The following ABCC9 variants were observed in gnomAD, a reference collection of about 807,000 sequenced individuals.
ABCC9 encodes the protein ATP binding cassette subfamily C member 9.
A neutral mutation model predicts 188.3 loss-of-function variants in ABCC9; 95 were observed. The ratio of observed to expected loss-of-function variants is 0.50; its 90% confidence interval spans 0.43 to 0.60. ABCC9 has a LOEUF of 0.60. ABCC9 is among the 20% of genes least tolerant of loss of function. The pLI is 0.00. For missense variants in ABCC9, 1,102 were observed against 1,876.3 expected, an observed-to-expected ratio of 0.59 and a Z score of 7.62; for synonymous variants, 659 against 652.7, an observed-to-expected ratio of 1.01 and a Z score of -0.15.
chr12:21,905,388 A>C (rs1446441004), intron 12 of ABCC9, among the ~76,000 whole-genome samples: 2 of 151,934 alleles, frequency 1.3e-5, no homozygotes, highest in Non-Finnish European at 2.9e-5. Flanking sequence ...CATTGTGCAC[A>C]TGTACCCTAG....
chr12:21,872,708 G>A lies in ABCC9; in HGVS notation c.2115C>T (p.Gly705=). Residue 705 remains glycine, a synonymous_variant, in exon 18 of 40, where the codon GGC becomes GGT. Coordinates refer to ENST00000261200, the MANE Select transcript of ABCC9 (RefSeq NM_020297.4). Reference sequence around the variant, plus strand: ...GAGAGGACTTCCCACATCCTACTTGGCCCACAATCATGGTTAACTGACCTA... The same window carrying A: ...GAGAGGACTTCCCACATCCTACTTGACCCACAATCATGGTTAACTGACCTA... ...IPTGQLTMIV[G]QVGCGKSSLL... 1 of 1,613,562 alleles carries A rather than the reference G, an allele frequency of 6.2e-7. No homozygotes were observed. Among genetic ancestry groups the A allele is most frequent in the Non-Finnish European group, 8.5e-7 (1 of 1,179,652 alleles).
intron 31 of ABCC9, among the ~76,000 whole-genome samples, chr12:21,822,660 A>G (rs941352466): frequency 6.6e-6 from 1 of 151,860 alleles, no homozygotes; most frequent in Non-Finnish European, 1.5e-5. Context: ...GTGTGATGGC[A>G]GGCACCTGTA....
intron 5 of ABCC9, chr12:21,923,196 C>T (rs985633759): frequency 6.6e-6 from 1 of 150,592 alleles, no homozygotes; most frequent in African/African-American, 2.4e-5. Flanking sequence ...TAAAAGCAAA[C>T]AGGAGAATAA....
chr12:21,935,811 A>G (rs1440465513), intron 3 of ABCC9, among the ~76,000 whole-genome samples: 1 of 152,154 alleles, frequency 6.6e-6, no homozygotes, highest in Non-Finnish European at 1.5e-5. Flanking sequence ...TTAGGTATCA[A>G]AATACTTCAT....
At chr12:21,812,266 C>A (rs1254760621) in intron 35 of ABCC9, 109 bp from the exon 36 acceptor site, 4 of 799,154 alleles carry the variant, frequency 5.0e-6, no homozygotes, top group Non-Finnish European at 8.4e-6. Flanking sequence ...ATTCAGGAGA[C>A]CCACTTTTCC....
At chr12:21,855,250 C>T (rs1321328471) in intron 22 of ABCC9, among the ~76,000 whole-genome samples, 4 of 152,084 alleles carry the variant, frequency 2.6e-5, no homozygotes, top group Non-Finnish European at 5.9e-5. Flanking sequence ...GATGGAGTCT[C>T]ACTCTGTCGC....
chr12:21,843,419 A>G (rs765821334), intron 28 of ABCC9, among the ~76,000 whole-genome samples: 3 of 152,164 alleles, frequency 2.0e-5, no homozygotes, highest in Non-Finnish European at 4.4e-5. Context: ...TGTAGTATTT[A>G]AAAAATATCT....
chr12:21,818,289 C>G (rs1300859448), intron 31 of ABCC9, 38 bp from the exon 32 acceptor site: 4 of 1,554,294 alleles, frequency 2.6e-6, no homozygotes, highest in Admixed American at 3.3e-5. Flanking sequence ...AAGGTTACTC[C>G]CAAGTTCTTA....
rs902591841 is a variant in ABCC9 at position 21,816,057 on chromosome 12, T to G, written c.3893-164A>C. Among the ~76,000 whole-genome samples, 9,955 of 110,712 alleles carry G rather than the reference T, an allele frequency of 0.09. 485 individuals carry two copies. Among genetic ancestry groups the G allele is most frequent in the South Asian group, 0.17 (532 of 3,190 alleles). 72.6% of individuals were successfully genotyped at this position (110,712 alleles called of 152,430 possible). A position where few individuals can be genotyped will look rare whatever the true frequency, so the allele number is the denominator to read the frequency against. ...GGCAGTTTTTTTTTTTTTTTTTTTTTTTTTTTTTTTTTTTTTTTTTTTTAG... is the reference window on the plus strand; with the variant it reads ...GGCAGTTTTTTTTTTTTTTTTTTTTGTTTTTTTTTTTTTTTTTTTTTTTAG... On this transcript the variant is annotated intron_variant, in intron 33 of 39. Transcript: ENST00000261200.
chr12:21,818,526 A>ATGTG lies in ABCC9; in HGVS notation c.3670-279_3670-276dup, dbSNP rs71053348. Among the ~76,000 whole-genome samples, 3,162 of 136,410 alleles carry ATGTG rather than the reference A, an allele frequency of 0.023. 59 individuals carry two copies. The highest frequency in any genetic ancestry group is 0.065 in the South Asian group (275 of 4,216). 89.5% of individuals were successfully genotyped at this position (136,410 alleles called of 152,430 possible). On this transcript the variant is annotated intron_variant, in intron 31 of 39. Transcript: ENST00000261200. Reference sequence around the variant, plus strand: ...TATATAACTATATAGATATATATATATGTGTGTGTGTGTGTGTGTGTGTGT... The same window carrying ATGTG: ...TATATAACTATATAGATATATATATATGTGTGTGTGTGTGTGTGTGTGTGTGTGT...
chr12:21,834,073 A>T (rs900554109), intron 30 of ABCC9, among the ~76,000 whole-genome samples: 1 of 152,018 alleles, frequency 6.6e-6, no homozygotes, highest in East Asian at 1.9e-4. Context: ...GATTCTCTCC[A>T]CTTTATCATT....
intron 1 of ABCC9, 53 bp from the exon 2 acceptor site, chr12:21,940,878 G>A (rs890460235): frequency 1.6e-4 from 25 of 152,126 alleles, no homozygotes; most frequent in African/African-American, 6.0e-4. Context: ...ACTACTTCTT[G>A]AACATACAAG....
intron 2 of ABCC9, among the ~76,000 whole-genome samples, chr12:21,940,254 A>G (rs1473867599): frequency 1.3e-5 from 2 of 152,250 alleles, no homozygotes; most frequent in East Asian, 3.8e-4. Flanking sequence ...AAAAGTTTTC[A>G]TTCTTACATA....
At chr12:21,811,957 C>T (rs963294302) in intron 36 of ABCC9, 92 bp downstream of exon 36, 4 of 891,528 alleles carry the variant, frequency 4.5e-6, no homozygotes, top group African/African-American at 3.3e-5. Flanking sequence ...TATCAGTTCA[C>T]TCATACCTGA....
At chr12:21,811,932 AT>A (rs1942270200) in intron 36 of ABCC9, 116 bp downstream of exon 36, 1 of 747,886 alleles carries the variant, frequency 1.3e-6, no homozygotes, top group African/African-American at 1.7e-5. Flanking sequence ...GGTATATTTG[AT>A]TTTATTGCCT....
At chr12:21,803,858 G>A (rs78744966) in intron 39 of ABCC9, among the ~76,000 whole-genome samples, 2,551 of 152,244 alleles carry the variant, frequency 0.017, 65 homozygotes, top group African/African-American at 0.058. Context: ...ATTTTGGTGT[G>A]TGAGTGCTTC....
chr12:21,889,843 A>G (rs1947065824), intron 14 of ABCC9, among the ~76,000 whole-genome samples: 1 of 152,084 alleles, frequency 6.6e-6, no homozygotes, highest in African/African-American at 2.4e-5. Flanking sequence ...AGGACCATCA[A>G]TGGATGCCAA....
intron 3 of ABCC9, among the ~76,000 whole-genome samples, chr12:21,934,794 C>G (rs1949422315): frequency 6.6e-6 from 1 of 152,008 alleles, no homozygotes; most frequent in South Asian, 2.1e-4. Context: ...GCTTGAAATA[C>G]TGCAGGAAAG....
chr12:21,913,036 G>A lies in ABCC9; in HGVS notation c.847C>T (p.Pro283Ser). 6.2e-7 allele frequency: 1 copy of A among 1,603,964 alleles called. No individual in the cohort carries two copies. Among genetic ancestry groups the A allele is most frequent in the Non-Finnish European group, 8.5e-7 (1 of 1,177,258 alleles). Residue 283 changes from proline (P) to serine (S), a missense_variant, in exon 8 of 40, where the codon CCA (proline) becomes TCA (serine). Around this residue, in one of 12 missense-constraint regions of ABCC9, gnomAD observed 305 missense variants for 573.0 expected, o/e 0.53. Coordinates refer to ENST00000261200, the MANE Select transcript of ABCC9 (RefSeq NM_020297.4). The stretch of plus-strand genomic sequence containing the variant: ...CTGTACATTGCAAGCCATATAGATG[G>A]AGTCCGATTTGGATGATCTGCAACT... ...KKVADHPNRT[P>S]SIWLAMYRAF...
Sources: allele counts gnomAD v4.1 joint callset (sites outside exome capture counted in the v4.1 genomes callset), GRCh38; gene constraint gnomAD v4.1.1; regional missense constraint gnomAD v4.1.1; transcripts MANE v1.5; gene names NCBI Gene and HGNC (gene_info 2026-07-23, HGNC 2026-07-21).